The following RSPH1 variants were observed in gnomAD, a reference collection of about 807,000 sequenced individuals.
RSPH1 encodes the protein radial spoke head 1 homolog.
A neutral mutation model predicts 44.2 loss-of-function variants in RSPH1; 32 were observed. That is an observed-to-expected ratio of 0.72 (90% CI 0.55 to 0.97). The LOEUF (loss-of-function observed/expected upper bound fraction) is 0.97, where lower values mean the gene tolerates loss of function less well. Ranked by LOEUF, RSPH1 falls within the 50% of genes least tolerant of loss-of-function variation. The probability of loss-of-function intolerance (pLI) is 0.00; values close to 1 mark genes in which losing one functional copy is unlikely to be tolerated. For synonymous variants in RSPH1, 134 were observed against 147.3 expected, an observed-to-expected ratio of 0.91 and a Z score of 0.65; for missense variants, 391 against 398.7, an observed-to-expected ratio of 0.98 and a Z score of 0.16.
intron 1 of RSPH1, among the ~76,000 whole-genome samples, chr21:42,495,085 C>G (rs1057090996): frequency 6.6e-6 from 1 of 152,190 alleles, no homozygotes; most frequent in Non-Finnish European, 1.5e-5. Flanking sequence ...AGGAAGGATG[C>G]CTTTGCAGGT....
At chr21:42,492,634 T>C (rs1481473977) in intron 3 of RSPH1, 124 bp downstream of exon 3, 1 of 643,618 alleles carries the variant, frequency 1.6e-6, no homozygotes, top group East Asian at 2.6e-5. Context: ...CGATCTGTGT[T>C]CGTTGAATGA....
intron 1 of RSPH1, among the ~76,000 whole-genome samples, chr21:42,494,489 A>G (rs934792066): frequency 6.6e-6 from 1 of 152,144 alleles, no homozygotes. Flanking sequence ...CCCTCCTTCT[A>G]TCCAAGAGGC....
In RSPH1 at chr21:42,472,721, A is replaced by G; in HGVS notation, c.*97T>C. 1.1e-6 allele frequency: 1 copy of G among 903,520 alleles called. No individual in the cohort carries two copies. Among genetic ancestry groups the G allele is most frequent in the Non-Finnish European group, 1.7e-6 (1 of 572,538 alleles). 56.0% of individuals were successfully genotyped at this position (903,520 alleles called of 1,614,324 possible). A position where few individuals can be genotyped will look rare whatever the true frequency, so the allele number is the denominator to read the frequency against. On this transcript the variant is annotated 3_prime_UTR_variant, in exon 9 of 9. Coordinates refer to ENST00000291536, the MANE Select transcript of RSPH1 (RefSeq NM_080860.4). ...TGGACTCAAGCAATCCTCCTGCCTC[A>G]GCCTCTCAAGTAGCTGGAACTAGAT...
chr21:42,494,254 A>C (rs1302229505), intron 1 of RSPH1, among the ~76,000 whole-genome samples: 1 of 152,204 alleles, frequency 6.6e-6, no homozygotes, highest in Admixed American at 6.5e-5. Flanking sequence ...ACATAATAAA[A>C]TTTATTAAAA....
Position 42,491,054 on chromosome 21 carries a change from A to G in RSPH1, c.274+1704T>C, listed in dbSNP as rs373214586. Among the ~76,000 whole-genome samples the G allele has an allele frequency of 1.5e-4, 23 of 152,316 alleles. 4 individuals are homozygous for G. Among genetic ancestry groups the G allele is most frequent in the East Asian group, 1.9e-4 (1 of 5,188 alleles). ...TCTGTACCTCTGAATCTGGCTGTTC[A>G]TCCATATTCTTTATAATATCCTTTA... is the stretch of plus-strand genomic sequence containing the variant. On this transcript the variant is annotated intron_variant, in intron 3 of 8. Coordinates refer to ENST00000291536, the MANE Select transcript of RSPH1 (RefSeq NM_080860.4).
intron 3 of RSPH1, among the ~76,000 whole-genome samples, chr21:42,487,017 C>T (rs1056332635): frequency 6.6e-6 from 1 of 152,202 alleles, no homozygotes; most frequent in African/African-American, 2.4e-5. Context: ...CCCACCCAAT[C>T]ATCTGACTCC....
At chr21:42,494,703 GATTTTT>G (rs2054269491) in intron 1 of RSPH1, among the ~76,000 whole-genome samples, 1 of 132,424 alleles carries the variant, frequency 7.6e-6, no homozygotes. Flanking sequence ...CTGAACAAGT[GATTTTT>G]TTTTTTTTTT....
At position 42,489,326 on chromosome 21, in the gene RSPH1, T is replaced by C. The variant is rs566794184; in HGVS notation, c.275-2865A>G. The stretch of plus-strand genomic sequence containing the variant: ...CTAATTGGTTGGTTGGTTAGACAGT[T>C]GGTTGGTTAATTGGTTGGTTGATTG... On this transcript the variant is annotated intron_variant, in intron 3 of 8. Coordinates refer to ENST00000291536, the MANE Select transcript of RSPH1 (RefSeq NM_080860.4). 3.3e-5 allele frequency among the ~76,000 whole-genome samples: 5 copies of C among 152,132 alleles called. No individual in the cohort carries two copies. The South Asian group carries it at 1.0e-3, about 32-fold the overall frequency.
At chr21:42,477,506 A>G (rs1464889213) in intron 6 of RSPH1, 62 bp from the exon 7 acceptor site, 4 of 1,557,510 alleles carry the variant, frequency 2.6e-6, no homozygotes, top group South Asian at 1.1e-5. Flanking sequence ...TGGAATATTA[A>G]AAGTGAGGGA....
rs7277667 is a variant in RSPH1 at position 42,493,268 on chromosome 21, A to G, written c.55-189T>C. 1 allele frequency among the ~76,000 whole-genome samples: 152,238 copies of G among 152,362 alleles called. 76,058 individuals carry two copies. Among genetic ancestry groups the G allele is most frequent in the Middle Eastern group, 1 (294 of 294 alleles). ...CAACGCCTGGGCTAGATGAGGCACT[A>G]GACCAAGGCCACACCCCAGCACATG... is the stretch of plus-strand genomic sequence containing the variant. On this transcript the variant is annotated intron_variant, in intron 1 of 8. Coordinates refer to ENST00000291536, the MANE Select transcript of RSPH1 (RefSeq NM_080860.4).
At chr21:42,486,761 G>A (rs1400162572) in intron 3 of RSPH1, among the ~76,000 whole-genome samples, 1 of 152,144 alleles carries the variant, frequency 6.6e-6, no homozygotes, top group Non-Finnish European at 1.5e-5. Context: ...AGGAGTTCAC[G>A]GGGTACAGAG....
At chr21:42,485,577 G>A in intron 5 of RSPH1, 92 bp downstream of exon 5, 1 of 1,478,524 alleles carries the variant, frequency 6.8e-7, no homozygotes, top group South Asian at 1.2e-5. Context: ...TTTTCTCTGA[G>A]TTTTTGGTAT....
At chr21:42,486,110 G>C (rs1311236715) in intron 4 of RSPH1, 4 of 572,678 alleles carry the variant, frequency 7.0e-6, no homozygotes, top group Non-Finnish European at 1.2e-5. Flanking sequence ...TGGCTCTTCT[G>C]TGCCCTCCAC....
chr21:42,477,264 A>G (rs1601625413), intron 7 of RSPH1, 27 bp downstream of exon 7: 1 of 1,476,274 alleles, frequency 6.8e-7, no homozygotes. Context: ...TGCCCCCTCC[A>G]CCCCACAGCC....
chr21:42,488,745 C>A (rs923575486), intron 3 of RSPH1, among the ~76,000 whole-genome samples: 2 of 152,236 alleles, frequency 1.3e-5, no homozygotes, highest in Non-Finnish European at 2.9e-5. Context: ...CCACAGGGAC[C>A]CTGCACAAAT....
At position 42,472,809 on chromosome 21, in the gene RSPH1, C is replaced by T. The variant is rs2054005777; in HGVS notation, c.*9G>A. On this transcript the variant is annotated 3_prime_UTR_variant, in exon 9 of 9. Transcript: ENST00000291536. The stretch of plus-strand genomic sequence containing the variant: ...CTTATGATACGATCTCCTCTCGGCT[C>T]ACTTCATCTTAGTCCTGGAGGTCTG... 1 of 1,603,772 alleles carries T rather than the reference C, an allele frequency of 6.2e-7. No homozygotes were observed. The highest frequency in any genetic ancestry group is 8.5e-7 in the Non-Finnish European group (1 of 1,171,092).
intron 1 of RSPH1, among the ~76,000 whole-genome samples, chr21:42,495,086 C>T (rs1448392109): frequency 6.6e-6 from 1 of 152,214 alleles, no homozygotes; most frequent in African/African-American, 2.4e-5. Context: ...GGAAGGATGC[C>T]TTTGCAGGTG....
chr21:42,477,005 CGGGGG>C (rs2054061861), intron 7 of RSPH1, among the ~76,000 whole-genome samples: 1 of 36,474 alleles, frequency 2.7e-5, no homozygotes, highest in African/African-American at 8.1e-5. Context: ...TCCCACAGCC[CGGGGG>C]ATGCCCCACA....
At chr21:42,484,955 C>T (rs1418027742) in intron 5 of RSPH1, 2 of 152,082 alleles carry the variant, frequency 1.3e-5, no homozygotes, top group African/African-American at 4.8e-5. Context: ...CTAAACATTC[C>T]CTCTGTCAAC....
Sources: allele counts gnomAD v4.1 joint callset (sites outside exome capture counted in the v4.1 genomes callset), GRCh38; gene constraint gnomAD v4.1.1; transcripts MANE v1.5; gene names NCBI Gene and HGNC (gene_info 2026-07-23, HGNC 2026-07-21).